PCNX2: variants seen among roughly 807,000 people sequenced by gnomAD.
PCNX2 encodes the protein pecanex 2, also known as pecanex-like protein 2.
PCNX2 carries 168 observed loss-of-function variants against 223.8 expected under a neutral mutation model. The observed-to-expected ratio is 0.75, with a 90% CI of 0.66 to 0.85. The LOEUF (loss-of-function observed/expected upper bound fraction) is 0.85, where lower values mean the gene tolerates loss of function less well. Among genes scored for constraint, PCNX2 ranks in the 40% least tolerant of loss-of-function variants. The pLI is 0.00. For synonymous variants in PCNX2, 1,006 were observed against 1,052.6 expected, an observed-to-expected ratio of 0.96 and a Z score of 0.86; for missense variants, 2,507 against 2,675.5, an observed-to-expected ratio of 0.94 and a Z score of 1.39.
At chr1:233,095,085 C>T (rs1405887329) in intron 22 of PCNX2, among the ~76,000 whole-genome samples, 1 of 152,144 alleles carries the variant, frequency 6.6e-6, no homozygotes, top group African/African-American at 2.4e-5. Context: ...AAAGCAATTT[C>T]TCTCTCCGCT....
rs532133022 is a variant in PCNX2, at chr1:233,031,268, G to A, written c.4352-5869C>T. On this transcript the variant is annotated intron_variant, in intron 25 of 33. Coordinates refer to ENST00000258229, the MANE Select transcript of PCNX2 (RefSeq NM_014801.4). The stretch of plus-strand genomic sequence containing the variant: ...TTGAATCTTTCTACATGTCTTTGGA[G>A]CCTTAATTAAAACACAAAACATTTC... 7.9e-5 allele frequency among the ~76,000 whole-genome samples: 12 copies of A among 152,282 alleles called. No homozygotes were observed. The South Asian group carries it at 2.1e-3, about 26-fold the overall frequency.
intron 1 of PCNX2, chr1:233,290,867 G>A (rs10910127): frequency 0.13 from 124,803 of 985,312 alleles, 8,145 homozygotes; most frequent in South Asian, 0.14. Flanking sequence ...GTCCACAAGC[G>A]GGGAAAGGGC....
In PCNX2 at chr1:233,139,111, T is replaced by C. The variant is rs1206201860; in HGVS notation, c.3659+603A>G. Among the ~76,000 whole-genome samples the C allele has an allele frequency of 6.6e-6, 1 of 152,260 alleles. No homozygotes were observed. Among genetic ancestry groups the C allele is most frequent in the Non-Finnish European group, 1.5e-5 (1 of 68,042 alleles). On this transcript the variant is annotated intron_variant, in intron 20 of 33. Coordinates refer to ENST00000258229, the MANE Select transcript of PCNX2 (RefSeq NM_014801.4). The surrounding 1 kb of genome is among the most constrained non-coding windows in gnomAD (Gnocchi z 4.4). ...TTGCCTTTCATCAGAATGACAAATC[T>C]ACAGATTATCAAGGAGATTTCCATG...
chr1:233,292,053 T>A, intron 1 of PCNX2: 1 of 956,350 alleles, frequency 1.0e-6, no homozygotes. Flanking sequence ...AATCACTATT[T>A]TCCACATTAT....
rs1672410040 is a variant in PCNX2 at position 233,061,688 on chromosome 1, A to G, written c.4077-4398T>C. 2.0e-5 allele frequency among the ~76,000 whole-genome samples: 3 copies of G among 152,222 alleles called. No individual in the cohort carries two copies. In the South Asian group the frequency reaches 6.2e-4, roughly 32 times the overall value. ...GTACTTTGAAGGTTTTGAGCAACCAACAACTTTGAGTTTAAAGAAAGTTTT... is the reference window on the plus strand; with the variant it reads ...GTACTTTGAAGGTTTTGAGCAACCAGCAACTTTGAGTTTAAAGAAAGTTTT... On this transcript the variant is annotated intron_variant, in intron 23 of 33. Transcript: ENST00000258229.
intron 25 of PCNX2, among the ~76,000 whole-genome samples, chr1:233,035,978 A>C (rs1237699822): frequency 2.6e-5 from 4 of 152,112 alleles, no homozygotes; most frequent in Admixed American, 6.5e-5. Flanking sequence ...TAGAATTCTA[A>C]ATTTGTATTG....
chr1:233,216,880 A>T (rs1258200357), intron 12 of PCNX2, among the ~76,000 whole-genome samples: 1 of 152,192 alleles, frequency 6.6e-6, no homozygotes, highest in African/African-American at 2.4e-5. Flanking sequence ...ATTCAGCCTA[A>T]AAAAAGAAGA....
At chr1:233,181,211 T>G (rs983180563) in intron 15 of PCNX2, 2 of 151,202 alleles carry the variant, frequency 1.3e-5, no homozygotes, top group African/African-American at 4.9e-5. Context: ...TTTTTTTTTT[T>G]TTTTTTGAGC....
chr1:233,068,845 C>T (rs1672728953), intron 23 of PCNX2, among the ~76,000 whole-genome samples: 1 of 151,798 alleles, frequency 6.6e-6, no homozygotes, highest in Non-Finnish European at 1.5e-5. Context: ...GATATAAGCC[C>T]TAATATGTCA....
At chr1:233,141,039 TA>T (rs879365527) in intron 19 of PCNX2, among the ~76,000 whole-genome samples, 9 of 145,536 alleles carry the variant, frequency 6.2e-5, no homozygotes, top group East Asian at 2.0e-4. Flanking sequence ...CAATTTATAG[TA>T]AAAAAAAAAA....
At chr1:233,047,319 G>A (rs981515538) in intron 25 of PCNX2, 23 of 896,010 alleles carry the variant, frequency 2.6e-5, no homozygotes, top group African/African-American at 2.0e-4. Context: ...ATTAAGAAGC[G>A]CTGCTTGTGA....
chr1:233,275,708 C>T (rs1434530544), intron 1 of PCNX2, among the ~76,000 whole-genome samples: 1 of 151,946 alleles, frequency 6.6e-6, no homozygotes, highest in East Asian at 1.9e-4. Context: ...TACTTGTACC[C>T]CCATGTACAT....
intron 23 of PCNX2, among the ~76,000 whole-genome samples, chr1:233,060,504 C>T (rs1672366301): frequency 6.6e-6 from 1 of 152,212 alleles, no homozygotes; most frequent in Non-Finnish European, 1.5e-5. Flanking sequence ...CCCCCAGGAC[C>T]TCTGGCTCTC....
intron 8 of PCNX2, among the ~76,000 whole-genome samples, chr1:233,243,689 T>C (rs968972211): frequency 6.6e-6 from 1 of 152,156 alleles, no homozygotes; most frequent in Non-Finnish European, 1.5e-5. Context: ...AAAGTCAACA[T>C]CTTTTGGTAT....
In PCNX2 at chr1:233,167,114, C is replaced by T. The variant is rs148472361; in HGVS notation, c.3274-5751G>A. On this transcript the variant is annotated intron_variant, in intron 17 of 33. Transcript: ENST00000258229. ...ACCACGTGTATTGCAGCACTGTTCA[C>T]AATAGCCAAGATGTGGAAACAACCT... 8.7e-3 allele frequency among the ~76,000 whole-genome samples: 1,329 copies of T among 152,270 alleles called. 24 individuals are homozygous for T. The highest frequency in any genetic ancestry group is 0.031 in the African/African-American group (1,274 of 41,534).
chr1:233,314,337 G>A, the PCNX2 span, among the ~76,000 whole-genome samples: 2 of 152,142 alleles, frequency 1.3e-5, no homozygotes, highest in African/African-American at 2.4e-5. Context: ...TGGCTGGGGA[G>A]TAAACAGTGT....
At position 233,259,911 on chromosome 1, in the gene PCNX2, T is replaced by A. The variant is rs60422306; in HGVS notation, c.518-567A>T. ...ATGAAAAGCAATACAGTATAACAAC[T>A]ATATATATAGCATTTACATTGTATT... On this transcript the variant is annotated intron_variant, in intron 4 of 33. Transcript: ENST00000258229. The A allele has an allele frequency of 3.9e-3, 2,720 of 693,534 alleles. 70 individuals carry two copies. In the African/African-American group the frequency reaches 0.05, roughly 13 times the overall value. The allele number at this position is 693,534 out of a possible 1,614,324, so 43.0% of individuals were successfully genotyped here. A position where few individuals can be genotyped will look rare whatever the true frequency, so the allele number is the denominator to read the frequency against.
intron 21 of PCNX2, among the ~76,000 whole-genome samples, chr1:233,100,296 C>T (rs190495700): frequency 5.9e-5 from 9 of 151,668 alleles, no homozygotes; most frequent in South Asian, 2.1e-4. Context: ...ACCTATAATC[C>T]CATCCCAGCT....
chr1:233,127,323 T>C (rs1676161052), intron 21 of PCNX2, among the ~76,000 whole-genome samples: 1 of 152,096 alleles, frequency 6.6e-6, no homozygotes, highest in Non-Finnish European at 1.5e-5. Context: ...CCCAAATTTC[T>C]CACGGTTTCC....
Sources: allele counts gnomAD v4.1 joint callset (sites outside exome capture counted in the v4.1 genomes callset), GRCh38; gene constraint gnomAD v4.1.1; non-coding constraint Gnocchi (gnomAD v3.1); transcripts MANE v1.5; gene names NCBI Gene and HGNC (gene_info 2026-07-23, HGNC 2026-07-21).